HDAC9: variants seen among roughly 807,000 people sequenced by gnomAD.
HDAC9 encodes the protein histone deacetylase 9.
A neutral mutation model predicts 139.4 loss-of-function variants in HDAC9; 41 were observed. The ratio of observed to expected loss-of-function variants is 0.29; its 90% CI spans 0.23 to 0.38. The LOEUF (loss-of-function observed/expected upper bound fraction) is 0.38. Among genes scored for constraint, HDAC9 ranks in the 10% least tolerant of loss-of-function variants. HDAC9 has a pLI of 1.00. For synonymous variants in HDAC9, 517 were observed against 476.2 expected, an observed-to-expected ratio of 1.09 and a Z score of -1.12; for missense variants, 1,147 against 1,297.0, an observed-to-expected ratio of 0.88 and a Z score of 1.78.
chr7:18,788,571 A>G (rs1217916290), intron 16 of HDAC9, among the ~76,000 whole-genome samples: 2 of 152,042 alleles, frequency 1.3e-5, no homozygotes, highest in Non-Finnish European at 2.9e-5. Flanking sequence ...CCTGGCCAAC[A>G]TGGTGAAACC....
chr7:18,430,642 G>C (rs1790556502), intron 1 of HDAC9: 1 of 152,148 alleles, frequency 6.6e-6, no homozygotes, highest in African/African-American at 2.4e-5. Context: ...TGCACTTTGT[G>C]AGGCCAAGAT....
At chr7:18,573,377 A>G (rs780017886) in intron 2 of HDAC9, among the ~76,000 whole-genome samples, 9 of 152,246 alleles carry the variant, frequency 5.9e-5, no homozygotes, top group African/African-American at 9.6e-5. Flanking sequence ...CTAAAGTCCA[A>G]TTTGGGCAGT....
chr7:18,919,916 G>T (rs1236013696), intron 22 of HDAC9, among the ~76,000 whole-genome samples: 2 of 152,108 alleles, frequency 1.3e-5, no homozygotes, highest in East Asian at 3.9e-4. Flanking sequence ...AGTATAGTTT[G>T]AAGTCAGGTA....
chr7:18,416,678 G>GA (rs577920222), intron 1 of HDAC9, among the ~76,000 whole-genome samples: 13 of 151,866 alleles, frequency 8.6e-5, no homozygotes, highest in Admixed American at 3.3e-4. Flanking sequence ...CAATTCAATT[G>GA]AAAAAAATTG....
intron 1 of HDAC9, among the ~76,000 whole-genome samples, chr7:18,439,539 C>G (rs770955351): frequency 6.6e-6 from 1 of 152,108 alleles, no homozygotes; most frequent in Non-Finnish European, 1.5e-5. Flanking sequence ...CCCACCATCA[C>G]CTTCCCCGAT....
At chr7:18,392,377 CTAGA>C (rs1407749829) in intron 1 of HDAC9, among the ~76,000 whole-genome samples, 2 of 144,510 alleles carry the variant, frequency 1.4e-5, no homozygotes, top group African/African-American at 2.6e-5. Context: ...CTCTGTCTCT[CTAGA>C]TAGATGGATA....
intron 1 of HDAC9, among the ~76,000 whole-genome samples, chr7:18,421,766 C>T (rs569177027): frequency 8.5e-5 from 13 of 152,302 alleles, no homozygotes; most frequent in Admixed American, 5.9e-4. Flanking sequence ...TAGCTCACCA[C>T]GTGATTAGAC....
At chr7:18,395,975 G>T (rs1404967734) in intron 1 of HDAC9, among the ~76,000 whole-genome samples, 1 of 151,936 alleles carries the variant, frequency 6.6e-6, no homozygotes, top group Non-Finnish European at 1.5e-5. Context: ...ATAATATTTT[G>T]AAATTACACT....
In HDAC9 at chr7:18,501,123, A is replaced by G. The variant is rs559345319; in HGVS notation, c.22+4799A>G. 3.3e-5 allele frequency among the ~76,000 whole-genome samples: 5 copies of G among 152,290 alleles called. No homozygotes were observed. The East Asian group carries it at 5.8e-4, about 18-fold the overall frequency. ...ACAGTGAAAGCCACACAGTGAAGAG[A>G]TGAACTTAAAACAAACAAAAAACTA... On this transcript the variant is annotated intron_variant, in intron 2 of 25. Transcript: ENST00000686413.
intron 17 of HDAC9, among the ~76,000 whole-genome samples, chr7:18,802,533 T>C (rs1793389496): frequency 6.6e-6 from 1 of 151,910 alleles, no homozygotes; most frequent in African/African-American, 2.4e-5. Flanking sequence ...TTATTAATTA[T>C]TTTGTTAAAA....
intron 17 of HDAC9, among the ~76,000 whole-genome samples, chr7:18,816,039 A>G (rs1794538738): frequency 6.6e-6 from 1 of 152,250 alleles, no homozygotes; most frequent in Non-Finnish European, 1.5e-5. Context: ...TATTATGCAT[A>G]TGGTAAACCA....
At chr7:18,403,257 A>G (rs949381316) in intron 1 of HDAC9, among the ~76,000 whole-genome samples, 3 of 152,216 alleles carry the variant, frequency 2.0e-5, no homozygotes, top group Non-Finnish European at 2.9e-5. Context: ...AAATAGAAAC[A>G]TATCCAAGAT....
intron 2 of HDAC9, among the ~76,000 whole-genome samples, chr7:18,503,323 A>C (rs1172323883): frequency 6.6e-6 from 1 of 152,178 alleles, no homozygotes; most frequent in Non-Finnish European, 1.5e-5. Flanking sequence ...GAAGCAAAGA[A>C]AGAGGAAATG....
intron 6 of HDAC9, among the ~76,000 whole-genome samples, chr7:18,628,492 CATCACCACCATCCA>C (rs1781382802): frequency 6.6e-6 from 1 of 152,160 alleles, no homozygotes; most frequent in Admixed American, 6.5e-5. Context: ...TTACCACCAC[CATCACCACCATCCA>C]CTTCTGCTGC....
chr7:18,093,036 AG>A (rs929371078), intron 1 of HDAC9, among the ~76,000 whole-genome samples: 1 of 152,210 alleles, frequency 6.6e-6, no homozygotes, highest in Non-Finnish European at 1.5e-5. Flanking sequence ...AGTAGAGCTA[AG>A]GACCATTGTA....
chr7:18,735,913 G>T (rs1474652697), intron 13 of HDAC9, among the ~76,000 whole-genome samples: 1 of 152,156 alleles, frequency 6.6e-6, no homozygotes, highest in Admixed American at 6.5e-5. Context: ...ATTTACTTGA[G>T]CAGTGGTTTG....
At position 18,859,009 on chromosome 7, in the gene HDAC9, A is replaced by G. The variant is rs141444610; in HGVS notation, c.2685-15469A>G. The stretch of plus-strand genomic sequence containing the variant: ...CAGTTAAAAGGCAGTGAAATTGTCA[A>G]GCTTCCGAGAACGTGATCTTTGGAT... On this transcript the variant is annotated intron_variant, in intron 21 of 25. Transcript: ENST00000686413. Among the ~76,000 whole-genome samples the G allele has an allele frequency of 4.4e-4, 67 of 152,316 alleles. No individual in the cohort carries two copies. The East Asian group carries it at 0.011, about 26-fold the overall frequency.
intron 2 of HDAC9, among the ~76,000 whole-genome samples, chr7:18,575,394 T>G (rs965333267): frequency 6.6e-6 from 1 of 152,240 alleles, no homozygotes; most frequent in Non-Finnish European, 1.5e-5. Flanking sequence ...GGTGTAATTT[T>G]CAGTAATATA....
rs112459293 is a variant in HDAC9 at position 18,449,837 on chromosome 7, C to T, written c.-41-46425C>T. The stretch of plus-strand genomic sequence containing the variant: ...TTTAAGTTTACTAATTATCTGTTTG[C>T]AGTATCTCAGATAATGAAAATCTCC... On this transcript the variant is annotated intron_variant, in intron 1 of 3. Coordinates refer to the HDAC9 transcript ENST00000413509. 7.7e-3 allele frequency among the ~76,000 whole-genome samples: 1,167 copies of T among 152,244 alleles called. 15 individuals are homozygous for T. Among genetic ancestry groups the T allele is most frequent in the African/African-American group, 0.027 (1,106 of 41,544 alleles).
Sources: allele counts gnomAD v4.1 joint callset (sites outside exome capture counted in the v4.1 genomes callset), GRCh38; gene constraint gnomAD v4.1.1; transcripts MANE v1.5; gene names NCBI Gene and HGNC (gene_info 2026-07-23, HGNC 2026-07-21).